The following SLC29A3 variants were observed in gnomAD, a reference collection of about 807,000 sequenced individuals.
SLC29A3 encodes the protein equilibrative nucleoside transporter 3.
SLC29A3 carries 18 observed loss-of-function variants against 25.4 expected under a neutral mutation model. The ratio of observed to expected loss-of-function variants is 0.71; its 90% CI spans 0.49 to 1.05. The LOEUF is 1.05. Ranked by LOEUF, SLC29A3 falls within the 50% of genes least tolerant of loss-of-function variation. The pLI, the probability that SLC29A3 is intolerant of heterozygous loss-of-function variation, is 0.00. For synonymous variants in SLC29A3, 258 were observed against 267.1 expected, an observed-to-expected ratio of 0.97 and a Z score of 0.33; for missense variants, 586 against 609.0, an observed-to-expected ratio of 0.96 and a Z score of 0.40.
At chr10:71,342,678 A>T (rs1405977275) in intron 2 of SLC29A3, among the ~76,000 whole-genome samples, 2 of 152,104 alleles carry the variant, frequency 1.3e-5, no homozygotes, top group Non-Finnish European at 2.9e-5. Context: ...CCTTCATTCT[A>T]CTCAGTGTCC....
chr10:71,344,132 C>A (rs1342309771), intron 2 of SLC29A3, 77 bp from the exon 3 acceptor site: 2 of 1,152,868 alleles, frequency 1.7e-6, no homozygotes, highest in Admixed American at 1.7e-5. Flanking sequence ...CAGAGAGGGG[C>A]CCTGTCTCTG....
chr10:71,344,153 A>C, intron 2 of SLC29A3, 56 bp from the exon 3 acceptor site: 1 of 1,380,780 alleles, frequency 7.2e-7, no homozygotes, highest in Non-Finnish European at 1.0e-6. Context: ...CTCGCGTGGA[A>C]CTGCTCACCT....
At chr10:71,360,619 A>G (rs1847031717) in intron 5 of SLC29A3, among the ~76,000 whole-genome samples, 4 of 152,244 alleles carry the variant, frequency 2.6e-5, no homozygotes, top group Non-Finnish European at 5.9e-5. Flanking sequence ...TTAGGAGAGC[A>G]GTTTATCAGT....
chr10:71,343,997 A>G (rs1200937585), intron 2 of SLC29A3, among the ~76,000 whole-genome samples: 1 of 152,138 alleles, frequency 6.6e-6, no homozygotes, highest in Non-Finnish European at 1.5e-5. Flanking sequence ...AGTACAGCTG[A>G]CATTGGCAGC....
At chr10:71,353,099 A>G (rs565636217) in intron 4 of SLC29A3, among the ~76,000 whole-genome samples, 17 of 152,228 alleles carry the variant, frequency 1.1e-4, no homozygotes, top group Middle Eastern at 3.4e-3. Flanking sequence ...GTGGATCTCT[A>G]TCTTTCATCC....
In SLC29A3 at chr10:71,363,313, GTC is replaced by G. The variant is rs774073366; in HGVS notation, c.*707_*708del. The G allele has an allele frequency of 2.5e-4, 112 of 453,994 alleles. 1 individual carries two copies. Among genetic ancestry groups the G allele is most frequent in the South Asian group, 1.7e-3 (108 of 64,482 alleles). 28.1% of individuals were successfully genotyped at this position (453,994 alleles called of 1,614,324 possible). A position where few individuals can be genotyped will look rare whatever the true frequency, so the allele number is the denominator to read the frequency against. On this transcript the variant is annotated 3_prime_UTR_variant, in exon 6 of 6. Transcript: ENST00000373189. ...GTCTATGGCCTGGGTCAAGATGAGG[GTC>G]TTTCAGTGTTCCTGTTTACAACATG...
intron 3 of SLC29A3, 95 bp from the exon 4 acceptor site, chr10:71,351,467 T>G (rs1413110798): frequency 3.7e-6 from 4 of 1,088,222 alleles, no homozygotes; most frequent in Non-Finnish European, 5.5e-6. Context: ...TCCTAACTGC[T>G]AAGCTCGCCT....
At chr10:71,324,913 G>C (rs575274885) in intron 2 of SLC29A3, among the ~76,000 whole-genome samples, 1 of 152,314 alleles carries the variant, frequency 6.6e-6, no homozygotes, top group South Asian at 2.1e-4. Context: ...ATGGGGCTCA[G>C]AGGAGCCTGA....
intron 2 of SLC29A3, among the ~76,000 whole-genome samples, chr10:71,325,411 C>T (rs1055532331): frequency 2.0e-5 from 3 of 152,272 alleles, no homozygotes; most frequent in Middle Eastern, 3.4e-3. Context: ...GTTATGTCAT[C>T]GGCACATTAC....
intron 5 of SLC29A3, among the ~76,000 whole-genome samples, chr10:71,359,737 G>A (rs111372222): frequency 0.016 from 2,441 of 152,254 alleles, 71 homozygotes; most frequent in African/African-American, 0.056. Flanking sequence ...CCAGAGAGGG[G>A]TGTGCCTGGC....
At chr10:71,329,457 C>CGAAAAAAA (rs3059614) in intron 2 of SLC29A3, among the ~76,000 whole-genome samples, 8 of 120,464 alleles carry the variant, frequency 6.6e-5, no homozygotes, top group Admixed American at 9.3e-5. Flanking sequence ...GACTCTGTCT[C>CGAAAAAAA]AAAAAAAAAA....
chr10:71,372,765 C>G (rs777108264), intron 3 of SLC29A3, among the ~76,000 whole-genome samples: 18 of 152,202 alleles, frequency 1.2e-4, no homozygotes, highest in Non-Finnish European at 2.6e-4. Flanking sequence ...AGATTCAGGG[C>G]AGGGCCTTTG....
intron 3 of SLC29A3, among the ~76,000 whole-genome samples, chr10:71,371,110 T>G (rs193026529): frequency 2.7e-4 from 41 of 152,266 alleles, no homozygotes; most frequent in African/African-American, 9.4e-4. Flanking sequence ...TATTTTGAAA[T>G]GTATGATAGA....
chr10:71,339,320 G>A (rs913455719), intron 2 of SLC29A3, among the ~76,000 whole-genome samples: 3 of 152,314 alleles, frequency 2.0e-5, no homozygotes, highest in South Asian at 2.1e-4. Flanking sequence ...ACTTTGATGC[G>A]ATTACTTAGA....
At chr10:71,327,868 G>A (rs1846008450) in intron 2 of SLC29A3, among the ~76,000 whole-genome samples, 1 of 151,974 alleles carries the variant, frequency 6.6e-6, no homozygotes, top group African/African-American at 2.4e-5. Context: ...TACCTGACCT[G>A]TTTAGCTGGA....
At chr10:71,348,626 T>C (rs946680690) in intron 3 of SLC29A3, among the ~76,000 whole-genome samples, 1 of 152,090 alleles carries the variant, frequency 6.6e-6, no homozygotes, top group African/African-American at 2.4e-5. Flanking sequence ...GGGTAAGTCT[T>C]GACTGCTGGC....
At chr10:71,335,605 G>A (rs985509585) in intron 2 of SLC29A3, among the ~76,000 whole-genome samples, 4 of 152,180 alleles carry the variant, frequency 2.6e-5, no homozygotes, top group South Asian at 2.1e-4. Flanking sequence ...ATGTGGAGAC[G>A]GGGCCAGTAG....
intron 4 of SLC29A3, among the ~76,000 whole-genome samples, chr10:71,378,729 C>T (rs1451665368): frequency 2.0e-5 from 3 of 152,236 alleles, no homozygotes; most frequent in East Asian, 1.9e-4. Flanking sequence ...AGTTTGAGAA[C>T]GACTGTTCTG....
chr10:71,374,654 G>C (rs1243886664), intron 3 of SLC29A3, among the ~76,000 whole-genome samples: 1 of 152,106 alleles, frequency 6.6e-6, no homozygotes, highest in Non-Finnish European at 1.5e-5. Context: ...AGCTGGCAGC[G>C]GGAGAAAGGC....
Sources: gnomAD v4.1 joint callset for allele counts (sites outside exome capture counted in the v4.1 genomes callset) on GRCh38, gnomAD v4.1.1 for gene constraint, MANE v1.5 for transcripts, NCBI Gene and HGNC (gene_info 2026-07-23, HGNC 2026-07-21) for gene names.